The following GNB2 variants were observed in gnomAD, a reference collection of about 807,000 sequenced individuals.
GNB2 encodes guanine nucleotide-binding protein G(I)/G(S)/G(T) subunit beta-2.
A neutral mutation model predicts 40.7 loss-of-function variants in GNB2; 7 were observed. That is an observed-to-expected ratio of 0.17 (90% CI 0.10 to 0.32). The LOEUF is 0.32. Among genes scored for constraint, GNB2 ranks in the 10% least tolerant of loss-of-function variants. GNB2 has a pLI of 1.00. For missense variants in GNB2, 286 were observed against 473.0 expected (o/e 0.60, Z 3.67); for synonymous variants, 254 against 191.2 (o/e 1.33, Z -2.71).
chr7:100,675,181 G>T (rs1022315587), intron 1 of GNB2: 12 of 150,970 alleles, frequency 7.9e-5, no homozygotes, highest in South Asian at 4.2e-4. Context: ...GGCCCCCCGG[G>T]TGTCCAGGGC....
At chr7:100,677,273 C>A in intron 4 of GNB2, 79 bp from the exon 5 acceptor site, 2 of 1,139,712 alleles carry the variant, frequency 1.8e-6, no homozygotes, top group South Asian at 1.2e-5. Context: ...AGAGACCCTA[C>A]CTTCTCCCAC....
In GNB2 at chr7:100,677,881, G is replaced by T. The variant is rs771697718; in HGVS notation, c.497+63G>T. On this transcript the variant is annotated intron_variant, in intron 7 of 9. Transcript: ENST00000303210. ...CACACTTCCTGCCTCAGGGGCCACC[G>T]TCCCAGTGCTCAACATGCAGCATGC... is the stretch of plus-strand genomic sequence containing the variant. 1.6e-5 allele frequency: 23 copies of T among 1,412,662 alleles called. No individual in the cohort carries two copies. The East Asian group carries it at 5.3e-4, about 32-fold the overall frequency. 87.5% of individuals were successfully genotyped at this position (1,412,662 alleles called of 1,614,324 possible). A position where few individuals can be genotyped will look rare whatever the true frequency, so the allele number is the denominator to read the frequency against.
rs751286208 is a variant in GNB2, at chr7:100,677,431, C to T, written c.267+16C>T. On this transcript the variant is annotated intron_variant, in intron 5 of 9. Transcript: ENST00000303210. Reference sequence around the variant, plus strand: ...CACCAACAAGGTAGGGTGGCGCGGGCTGCGGGGTGGGGCAGGGCCACAGGG... The same window carrying T: ...CACCAACAAGGTAGGGTGGCGCGGGTTGCGGGGTGGGGCAGGGCCACAGGG... The T allele has an allele frequency of 4.3e-6, 7 of 1,613,316 alleles. No homozygotes were observed. The African/African-American group carries it at 6.7e-5, about 15-fold the overall frequency.
intron 1 of GNB2, chr7:100,675,200 C>T (rs1208219057): frequency 1.3e-5 from 2 of 150,648 alleles, no homozygotes; most frequent in African/African-American, 4.9e-5. Context: ...GCGCCGCGGC[C>T]AGGCCGCCTG....
intron 7 of GNB2, 34 bp downstream of exon 7, chr7:100,677,852 A>G (rs1433654134): frequency 1.3e-6 from 2 of 1,571,918 alleles, no homozygotes; most frequent in Middle Eastern, 1.7e-4. Flanking sequence ...AGTCTGGGCA[A>G]ACCCACACTT....
intron 1 of GNB2, among the ~76,000 whole-genome samples, chr7:100,674,740 G>A (rs1034701972): frequency 6.6e-6 from 1 of 152,164 alleles, no homozygotes; most frequent in African/African-American, 2.4e-5. Flanking sequence ...GAGGGCCCTG[G>A]GGGGTGATGG....
At chr7:100,677,721 T>A (rs1804384173) in intron 6 of GNB2, 31 bp from the exon 7 acceptor site, 1 of 1,613,070 alleles carries the variant, frequency 6.2e-7, no homozygotes, top group Non-Finnish European at 8.5e-7. Context: ...GCCCTCCGTG[T>A]GGAGACCTGG....
In GNB2 at chr7:100,677,678, G is replaced by C. The variant is rs926553003; in HGVS notation, c.430+18G>C. On this transcript the variant is annotated intron_variant, in intron 6 of 9. Transcript: ENST00000303210. Reference sequence around the variant, plus strand: ...CCACACTGGTGAGGGGCCTGGCCCAGTTCGGGCCCTTTTTGGGGTTGGGGG... The same window carrying C: ...CCACACTGGTGAGGGGCCTGGCCCACTTCGGGCCCTTTTTGGGGTTGGGGG... The C allele has an allele frequency of 1.2e-5, 19 of 1,613,150 alleles. No homozygotes were observed. Among genetic ancestry groups the C allele is most frequent in the Non-Finnish European group, 1.5e-5 (18 of 1,179,818 alleles).
rs574237260 is a variant in GNB2, at chr7:100,678,239, G to A, written c.639G>A (p.Val213=). 4 of 1,614,058 alleles carry A rather than the reference G, an allele frequency of 2.5e-6. No individual in the cohort carries two copies. The South Asian group carries it at 3.3e-5, about 13-fold the overall frequency. ...ATGCCTCTATCAAGCTGTGGGACGT[G>A]CGGGATTCCATGTGCCGACAGACCT... The part of the protein sequence containing the change: ...ACDASIKLWD[V]RDSMCRQTFI... Residue 213 remains valine (V), a synonymous_variant, in exon 8 of 10, where the codon GTG becomes GTA. Transcript: ENST00000303210.
chr7:100,677,736 C>T lies in GNB2; in HGVS notation c.431-16C>T. Reference sequence around the variant, plus strand: ...GCCCTCCGTGTGGAGACCTGGCTGACCAGCTCCTTCCCCAGGGTACCTGTC... The same window carrying T: ...GCCCTCCGTGTGGAGACCTGGCTGATCAGCTCCTTCCCCAGGGTACCTGTC... On this transcript the variant is annotated splice_polypyrimidine_tract_variant and intron_variant, in intron 6 of 9. Coordinates refer to ENST00000303210, the MANE Select transcript of GNB2 (RefSeq NM_005273.4). 6.2e-7 allele frequency: 1 copy of T among 1,613,576 alleles called. No individual in the cohort carries two copies. The highest frequency in any genetic ancestry group is 8.5e-7 in the Non-Finnish European group (1 of 1,179,822).
chr7:100,675,731 T>C (rs1317581624), intron 1 of GNB2: 1 of 153,008 alleles, frequency 6.5e-6, no homozygotes, highest in Non-Finnish European at 1.5e-5. Flanking sequence ...CCCGCCACCA[T>C]CGAAGCTGGG....
At chr7:100,678,670 G>A in intron 9 of GNB2, 25 bp from the exon 10 acceptor site, 1 of 1,611,158 alleles carries the variant, frequency 6.2e-7, no homozygotes, top group Non-Finnish European at 8.5e-7. Context: ...GGCCCAATGG[G>A]TTCTGACTTC....
At chr7:100,675,388 C>T (rs1804326429) in intron 1 of GNB2, 1 of 152,068 alleles carries the variant, frequency 6.6e-6, no homozygotes, top group Admixed American at 6.5e-5. Context: ...CCGCTGTCAC[C>T]CCCACCCGCG....
chr7:100,677,435 G>C lies in GNB2; in HGVS notation c.267+20G>C. ...AACAAGGTAGGGTGGCGCGGGCTGC[G>C]GGGTGGGGCAGGGCCACAGGGCCCT... On this transcript the variant is annotated intron_variant, in intron 5 of 9. Coordinates refer to ENST00000303210, the MANE Select transcript of GNB2 (RefSeq NM_005273.4). The C allele has an allele frequency of 5.6e-6, 9 of 1,613,400 alleles. No homozygotes were observed. Among genetic ancestry groups the C allele is most frequent in the Non-Finnish European group, 7.6e-6 (9 of 1,179,718 alleles).
chr7:100,676,589 G>C lies in GNB2; in HGVS notation c.96+16G>C. ...ACTGACCCAGGTGAGGGCACTTGGT[G>C]GCCAGAGCGTAACTAGGGGTTGAAG... On this transcript the variant is annotated intron_variant, in intron 3 of 9. Coordinates refer to ENST00000303210, the MANE Select transcript of GNB2 (RefSeq NM_005273.4). The C allele has an allele frequency of 6.2e-7, 1 of 1,605,008 alleles. No homozygotes were observed. The highest frequency in any genetic ancestry group is 2.2e-5 in the East Asian group (1 of 44,860).
At chr7:100,678,061 G>A (rs769252464) in intron 7 of GNB2, 37 bp from the exon 8 acceptor site, 2 of 1,528,340 alleles carry the variant, frequency 1.3e-6, no homozygotes, top group African/African-American at 1.4e-5. Context: ...TCTTCGCCCT[G>A]TCTCTTATCT....
At chr7:100,677,096 A>G in intron 4 of GNB2, 1 of 593,960 alleles carries the variant, frequency 1.7e-6, no homozygotes, top group South Asian at 2.0e-5. Context: ...CAACATAGTG[A>G]GACCCTGGCT....
intron 1 of GNB2, chr7:100,675,140 C>T (rs1804321548): frequency 6.6e-6 from 1 of 150,786 alleles, no homozygotes; most frequent in African/African-American, 2.4e-5. Context: ...CAGCCGGGCC[C>T]CTGGGGCCCG....
At chr7:100,674,404 G>T (rs1804306708) in intron 1 of GNB2, among the ~76,000 whole-genome samples, 1 of 152,116 alleles carries the variant, frequency 6.6e-6, no homozygotes, top group East Asian at 1.9e-4. Flanking sequence ...CCCTACCCAC[G>T]ATTTGGGTGC....
Sources: allele counts gnomAD v4.1 joint callset (sites outside exome capture counted in the v4.1 genomes callset), GRCh38; gene constraint gnomAD v4.1.1; transcripts MANE v1.5; gene names NCBI Gene and HGNC (gene_info 2026-07-23, HGNC 2026-07-21).